FARP2: variants seen among roughly 807,000 people sequenced by gnomAD.
FARP2 encodes FERM, ARHGEF and pleckstrin domain-containing protein 2.
A neutral mutation model predicts 130.5 loss-of-function variants in FARP2; 111 were observed. That is an observed-to-expected ratio of 0.85 (90% CI 0.73 to 1.00). The LOEUF (loss-of-function observed/expected upper bound fraction) is 1.00, where lower values mean the gene tolerates loss of function less well. Among genes scored for constraint, FARP2 ranks in the 50% least tolerant of loss-of-function variants. The pLI is 0.00. For synonymous variants in FARP2, 504 were observed against 516.9 expected (o/e 0.98, Z 0.34); for missense variants, 1,385 against 1,346.3 (o/e 1.03, Z -0.45).
chr2:241,484,061 C>T (rs2064692835), intron 20 of FARP2, 181 bp from the exon 21 acceptor site: 7 of 1,395,072 alleles, frequency 5.0e-6, no homozygotes, highest in Non-Finnish European at 6.5e-6. Context: ...TTCCTGTGGC[C>T]CTTTCCTGCC....
Position 241,491,149 on chromosome 2 carries a change from C to G in FARP2, c.2593C>G (p.Pro865Ala), listed in dbSNP as rs2064888001. The G allele has an allele frequency of 1.2e-6, 2 of 1,613,004 alleles. No individual in the cohort carries two copies. Among genetic ancestry groups the G allele is most frequent in the Non-Finnish European group, 1.7e-6 (2 of 1,179,722 alleles). Residue 865 changes from proline to alanine, a missense_variant, in exon 23 of 27, where the codon CCA becomes GCA. Physicochemically the swap from Pro to Ala is conservative, Grantham distance 27. Transcript: ENST00000264042. ...TGGCGGTGACACGGCCCCTGCACTG[C>G]CAGGCCGCACTGTGTGCACTCGTCC... ...KSGGDTAPAL[P>A]GRTVCTRPPR... is the part of the protein sequence containing the mutation.
intron 2 of FARP2, among the ~76,000 whole-genome samples, chr2:241,396,936 A>G (rs1170248221): frequency 1.3e-5 from 2 of 152,214 alleles, no homozygotes; most frequent in African/African-American, 4.8e-5. Context: ...AACCAACCCA[A>G]ATGTCCAACA....
intron 2 of FARP2, among the ~76,000 whole-genome samples, chr2:241,380,550 G>A (rs1366019755): frequency 6.6e-6 from 1 of 151,994 alleles, no homozygotes; most frequent in African/African-American, 2.4e-5. Flanking sequence ...TTTGCATTAT[G>A]CTTATTAGTC....
chr2:241,399,936 A>C (rs1026178715), intron 2 of FARP2, among the ~76,000 whole-genome samples: 9 of 152,216 alleles, frequency 5.9e-5, no homozygotes, highest in African/African-American at 2.2e-4. Context: ...ACTGAAGGTT[A>C]AACACACATA....
chr2:241,407,020 G>A (rs2062376243), intron 4 of FARP2, among the ~76,000 whole-genome samples: 1 of 151,570 alleles, frequency 6.6e-6, no homozygotes, highest in Non-Finnish European at 1.5e-5. Flanking sequence ...GTGTTGGCCA[G>A]GATGGTCTCG....
In FARP2 at chr2:241,418,026, G is replaced by A. The variant is rs766629102; in HGVS notation, c.688G>A (p.Gly230Ser). The stretch of plus-strand genomic sequence containing the variant: ...AATTGCTCGAAAGTTGGAAATGTAC[G>A]GCATCAGATTTCACATGGCTTCTGA... Reference protein sequence around the residue: ...LEIARKLEMYGIRFHMASDRE... With the variant: ...LEIARKLEMYSIRFHMASDRE... Residue 230 changes from glycine to serine, a missense_variant, in exon 8 of 27, where the codon GGC (glycine) becomes AGC (serine). Transcript: ENST00000264042. 7 of 1,613,976 alleles carry A rather than the reference G, an allele frequency of 4.3e-6. No individual in the cohort carries two copies. The highest frequency in any genetic ancestry group is 2.2e-5 in the South Asian group (2 of 91,084).
chr2:241,434,052 A>G, intron 9 of FARP2, 106 bp from the exon 10 acceptor site: 1 of 901,440 alleles, frequency 1.1e-6, no homozygotes, highest in Non-Finnish European at 1.7e-6. Flanking sequence ...AACCTTACTG[A>G]TTTTTAATTT....
rs998334347 is a variant in FARP2, at chr2:241,494,719, G to T, written c.*594G>T. The stretch of plus-strand genomic sequence containing the variant: ...GAGAAGCAGAAACCAAAGTCCCCCT[G>T]TGCCCTGGGAGGGTGGGGCCGTCTA... On this transcript the variant is annotated 3_prime_UTR_variant, in exon 27 of 27. Coordinates refer to ENST00000264042, the MANE Select transcript of FARP2 (RefSeq NM_014808.4). The surrounding 1 kb of genome is among the most constrained non-coding windows in gnomAD (Gnocchi z 4.9). The T allele has an allele frequency of 5.9e-5, 9 of 152,220 alleles. No homozygotes were observed. Among genetic ancestry groups the T allele is most frequent in the African/African-American group, 2.2e-4 (9 of 41,444 alleles). The allele number at this position is 152,220 out of a possible 1,614,324, so 9.4% of individuals were successfully genotyped here.
At chr2:241,485,543 C>G (rs1450240604) in intron 21 of FARP2, among the ~76,000 whole-genome samples, 1 of 151,138 alleles carries the variant, frequency 6.6e-6, no homozygotes, top group Non-Finnish European at 1.5e-5. Flanking sequence ...GGGATCTTCC[C>G]TCCCTGGGGT....
chr2:241,493,786 AG>A, intron 26 of FARP2: 1 of 485,968 alleles, frequency 2.1e-6, no homozygotes, highest in Non-Finnish European at 3.7e-6. Flanking sequence ...TAGTAGAGAC[AG>A]GGTTTCACCA....
At chr2:241,383,515 A>G (rs555890161) in intron 2 of FARP2, among the ~76,000 whole-genome samples, 2 of 152,348 alleles carry the variant, frequency 1.3e-5, no homozygotes, top group Admixed American at 1.3e-4. Flanking sequence ...GGAGTGGAGC[A>G]GAGAGGCATC....
In FARP2 at chr2:241,448,655, A is replaced by G. The variant is rs911107805; in HGVS notation, c.1411+7099A>G. ...ATCTGGACAAATGGCCCAAAGCACA[A>G]CTTGCTGTTATAGGTTAGAACACCT... On this transcript the variant is annotated intron_variant, in intron 13 of 26. Coordinates refer to ENST00000264042, the MANE Select transcript of FARP2 (RefSeq NM_014808.4). Among the ~76,000 whole-genome samples, 3 of 152,238 alleles carry G rather than the reference A, an allele frequency of 2.0e-5. No individual in the cohort carries two copies. In the East Asian group the frequency reaches 5.8e-4, roughly 29 times the overall value.
At chr2:241,439,364 C>G (rs2063326479) in intron 12 of FARP2, among the ~76,000 whole-genome samples, 1 of 151,752 alleles carries the variant, frequency 6.6e-6, no homozygotes, top group South Asian at 2.1e-4. Context: ...GAGTCTCGCT[C>G]TGTTGCCCAG....
rs769200706 is a variant in FARP2, at chr2:241,417,995, G to A, written c.657G>A (p.Val219=). 6.2e-7 allele frequency: 1 copy of A among 1,614,138 alleles called. No individual in the cohort carries two copies. Among genetic ancestry groups the A allele is most frequent in the Non-Finnish European group, 8.5e-7 (1 of 1,180,024 alleles). Residue 219 remains valine, a synonymous_variant, in exon 8 of 27, where the codon GTG becomes GTA. Transcript: ENST00000264042. ...GQTPAESDFQ[V]LEIARKLEMY... ...CACCTGCTGAGTCGGATTTCCAGGTGCTCGAAATTGCTCGAAAGTTGGAAA... is the reference window on the plus strand; with the variant it reads ...CACCTGCTGAGTCGGATTTCCAGGTACTCGAAATTGCTCGAAAGTTGGAAA...
intron 1 of FARP2, among the ~76,000 whole-genome samples, chr2:241,366,842 G>T (rs1357452635): frequency 6.6e-6 from 1 of 152,002 alleles, no homozygotes; most frequent in East Asian, 1.9e-4. Flanking sequence ...GCTGGGAGTG[G>T]TGCCGTGACT....
intron 2 of FARP2, among the ~76,000 whole-genome samples, chr2:241,400,888 G>A (rs539022089): frequency 1.3e-5 from 2 of 152,042 alleles, no homozygotes; most frequent in African/African-American, 4.8e-5. Context: ...TTTCTGACTA[G>A]TTAACAGTCT....
chr2:241,436,933 C>T (rs1037122390), intron 12 of FARP2, among the ~76,000 whole-genome samples: 2 of 152,126 alleles, frequency 1.3e-5, no homozygotes, highest in Non-Finnish European at 2.9e-5. Context: ...CTACAGTGAG[C>T]CAAGATAGTG....
chr2:241,418,621 G>A (rs1559751864), intron 8 of FARP2, among the ~76,000 whole-genome samples: 2 of 152,194 alleles, frequency 1.3e-5, no homozygotes, highest in African/African-American at 4.8e-5. Flanking sequence ...ATAAGAGTCA[G>A]TGTTGTCTTC....
chr2:241,396,493 A>G (rs941291325), intron 2 of FARP2, among the ~76,000 whole-genome samples: 3 of 152,196 alleles, frequency 2.0e-5, no homozygotes, highest in Admixed American at 1.3e-4. Flanking sequence ...TACAAGAAAA[A>G]TCAAACAACC....
Sources: gnomAD v4.1 joint callset for allele counts (sites outside exome capture counted in the v4.1 genomes callset) on GRCh38, gnomAD v4.1.1 for gene constraint, Gnocchi (gnomAD v3.1) non-coding constraint, MANE v1.5 for transcripts, NCBI Gene and HGNC (gene_info 2026-07-23, HGNC 2026-07-21) for gene names.